ESCO1: variants seen among roughly 807,000 people sequenced by gnomAD.
The protein encoded by ESCO1 is establishment of sister chromatid cohesion N-acetyltransferase 1.
ESCO1 carries 33 observed loss-of-function variants against 83.5 expected under a neutral mutation model. The observed-to-expected ratio is 0.40, with a 90% CI of 0.30 to 0.53. ESCO1 has a LOEUF of 0.53. ESCO1 is among the 20% of genes least tolerant of loss of function. The probability of loss-of-function intolerance (pLI) is 0.63; values close to 1 mark genes in which losing one functional copy is unlikely to be tolerated. For missense variants in ESCO1, 855 were observed against 968.0 expected (o/e 0.88, Z 1.55); for synonymous variants, 332 against 324.3 (o/e 1.02, Z -0.25).
chr18:21,574,041 G>A lies in ESCO1; in HGVS notation c.803C>T (p.Thr268Ile), dbSNP rs752848517. 2 of 1,612,884 alleles carry A rather than the reference G, an allele frequency of 1.2e-6. No individual in the cohort carries two copies. Among genetic ancestry groups the A allele is most frequent in the Non-Finnish European group, 1.7e-6 (2 of 1,179,994 alleles). The change falls in exon 4 of 12, where the codon ACA becomes ATA. Residue 268 changes from threonine (T) to isoleucine (I), a missense_variant. Around this residue, in one of 2 missense-constraint regions of ESCO1, gnomAD observed 726 missense variants for 699.5 expected, o/e 1.04. Transcript: ENST00000269214. ...KKNEMKKSVH[T>I]QVNTNTTLPK... ...GAGTGTTGTGTTAGTATTCACTTGTGTATGAACCGACTTCTTCATCTCATT... is the reference window on the plus strand; with the variant it reads ...GAGTGTTGTGTTAGTATTCACTTGTATATGAACCGACTTCTTCATCTCATT...
chr18:21,564,090 T>C lies in ESCO1; in HGVS notation c.1821+113A>G, dbSNP rs557632550. 5.0e-4 allele frequency: 364 copies of C among 723,490 alleles called. 2 individuals carry two copies. The East Asian group carries it at 0.01, about 21-fold the overall frequency. 44.8% of individuals were successfully genotyped at this position (723,490 alleles called of 1,614,324 possible). A position where few individuals can be genotyped will look rare whatever the true frequency, so the allele number is the denominator to read the frequency against. On this transcript the variant is annotated intron_variant, in intron 7 of 11. Coordinates refer to ENST00000269214, the MANE Select transcript of ESCO1 (RefSeq NM_052911.3). ...TCAGGCCATAGAACCACAAGCCAAA[T>C]AAACCTCTTTTCTATAAAAATTACC...
chr18:21,582,385 A>T lies in ESCO1; in HGVS notation c.-694+1925T>A, dbSNP rs541782454. Among the ~76,000 whole-genome samples the T allele has an allele frequency of 3.4e-4, 51 of 152,190 alleles. No individual in the cohort carries two copies. The South Asian group carries it at 0.011, about 32-fold the overall frequency. On this transcript the variant is annotated intron_variant, in intron 2 of 11. Transcript: ENST00000269214. ...GCTAGGATTACAGGTGCACACCACC[A>T]TGCACAGGTAATTTTTTGTATTTTT...
chr18:21,539,015 T>G (rs2037871153), intron 9 of ESCO1, among the ~76,000 whole-genome samples: 1 of 151,944 alleles, frequency 6.6e-6, no homozygotes, highest in African/African-American at 2.4e-5. Context: ...CACAATAAAC[T>G]CTCTGAACAC....
At chr18:21,551,651 C>T (rs1040580223) in intron 8 of ESCO1, among the ~76,000 whole-genome samples, 1 of 152,190 alleles carries the variant, frequency 6.6e-6, no homozygotes, top group East Asian at 1.9e-4. Flanking sequence ...CGTGGCCTGA[C>T]ATGGCAGTCT....
At chr18:21,570,857 G>T (rs2038330617) in intron 4 of ESCO1, among the ~76,000 whole-genome samples, 1 of 151,990 alleles carries the variant, frequency 6.6e-6, no homozygotes, top group African/African-American at 2.4e-5. Flanking sequence ...GGCGCCTGTA[G>T]TCTCAGCTAC....
At chr18:21,597,207 T>C (rs531037594) in intron 1 of ESCO1, among the ~76,000 whole-genome samples, 66 of 152,270 alleles carry the variant, frequency 4.3e-4, no homozygotes, top group African/African-American at 1.5e-3. Flanking sequence ...CCCAACATAC[T>C]GGTCATAAAC....
intron 1 of ESCO1, among the ~76,000 whole-genome samples, chr18:21,594,031 G>T (rs1338896019): frequency 6.6e-6 from 1 of 152,156 alleles, no homozygotes; most frequent in East Asian, 1.9e-4. Flanking sequence ...AGGAGCAGCA[G>T]CCTGTTTAGC....
chr18:21,530,522 T>G, intron 11 of ESCO1, 32 bp from the exon 12 acceptor site: 3 of 1,287,638 alleles, frequency 2.3e-6, no homozygotes, highest in Non-Finnish European at 3.2e-6. Context: ...GGGGAAGGGT[T>G]AAGTGTGAAA....
At chr18:21,549,488 C>G (rs1008722523) in intron 8 of ESCO1, among the ~76,000 whole-genome samples, 3 of 152,090 alleles carry the variant, frequency 2.0e-5, no homozygotes, top group African/African-American at 7.2e-5. Context: ...GATCTCAGCT[C>G]CCTGCAATCT....
intron 1 of ESCO1, among the ~76,000 whole-genome samples, chr18:21,599,023 G>A (rs1239420825): frequency 1.3e-5 from 2 of 150,186 alleles, no homozygotes; most frequent in Non-Finnish European, 3.0e-5. Context: ...TAATTCCATT[G>A]ATTAGATTTT....
chr18:21,569,685 C>T (rs1353139514), intron 4 of ESCO1, among the ~76,000 whole-genome samples: 1 of 152,090 alleles, frequency 6.6e-6, no homozygotes, highest in Non-Finnish European at 1.5e-5. Flanking sequence ...GCAGAGGTTG[C>T]AGTGATCGAG....
chr18:21,548,938 T>TTAA (rs1399481025), intron 8 of ESCO1, among the ~76,000 whole-genome samples: 1 of 150,070 alleles, frequency 6.7e-6, no homozygotes, highest in Non-Finnish European at 1.5e-5. Flanking sequence ...ACCCTGTCTC[T>TTAA]TAAAAAAAAA....
At chr18:21,573,086 A>T (rs2038361822) in intron 4 of ESCO1, among the ~76,000 whole-genome samples, 1 of 152,226 alleles carries the variant, frequency 6.6e-6, no homozygotes, top group African/African-American at 2.4e-5. Flanking sequence ...ATAAAATAAA[A>T]ATGAAGAGTA....
intron 2 of ESCO1, among the ~76,000 whole-genome samples, chr18:21,577,655 G>A (rs1324798386): frequency 6.2e-5 from 8 of 128,836 alleles, no homozygotes; most frequent in South Asian, 4.8e-4. Flanking sequence ...GCGAGACTCC[G>A]TCTCAAAAAA....
At chr18:21,590,066 A>G (rs891192863) in intron 1 of ESCO1, among the ~76,000 whole-genome samples, 4 of 151,794 alleles carry the variant, frequency 2.6e-5, no homozygotes, top group African/African-American at 9.7e-5. Flanking sequence ...TGACCTCGTG[A>G]TCCACCCGTG....
At chr18:21,530,517 A>G (rs76029429) in intron 11 of ESCO1, 27 bp from the exon 12 acceptor site, 1 of 1,350,442 alleles carries the variant, frequency 7.4e-7, no homozygotes, top group Non-Finnish European at 1.0e-6. Flanking sequence ...GGGGGGGGGA[A>G]GGGTTAAGTG....
intron 7 of ESCO1, among the ~76,000 whole-genome samples, chr18:21,562,994 C>T (rs1261572489): frequency 6.6e-6 from 1 of 151,144 alleles, no homozygotes; most frequent in Admixed American, 6.6e-5. Context: ...GTTTTAGCCT[C>T]CCGAGCAGCT....
At chr18:21,577,374 A>G (rs1487229229) in intron 2 of ESCO1, among the ~76,000 whole-genome samples, 1 of 149,324 alleles carries the variant, frequency 6.7e-6, no homozygotes, top group Non-Finnish European at 1.5e-5. Flanking sequence ...AAAAAAAAAA[A>G]AAAAAAAAAA....
At chr18:21,540,037 CAT>C in intron 8 of ESCO1, 28 bp from the exon 9 acceptor site, 32 of 1,470,200 alleles carry the variant, frequency 2.2e-5, no homozygotes, top group Non-Finnish European at 2.7e-5. Flanking sequence ...TATATACACA[CAT>C]ATGTAAAGTA....
Sources: gnomAD v4.1 joint callset for allele counts (sites outside exome capture counted in the v4.1 genomes callset) on GRCh38, gnomAD v4.1.1 for gene constraint, gnomAD v4.1.1 regional missense constraint, MANE v1.5 for transcripts, NCBI Gene and HGNC (gene_info 2026-07-23, HGNC 2026-07-21) for gene names.